CMC1: variants seen among roughly 807,000 people sequenced by gnomAD.
CMC1 encodes COX assembly mitochondrial protein homolog.
Under a neutral mutation model 14.1 loss-of-function variants are expected in CMC1, and 14 were observed. The observed-to-expected ratio is 0.99, with a 90% CI of 0.66 to 1.55. The LOEUF (loss-of-function observed/expected upper bound fraction) is 1.55. Ranked by LOEUF, CMC1 falls within the 40% of genes most tolerant of loss-of-function variation. CMC1 has a pLI of 0.00. For missense variants in CMC1, 127 were observed against 123.8 expected (o/e 1.03, Z -0.12); for synonymous variants, 50 against 38.4 (o/e 1.30, Z -1.12).
At chr3:28,293,331 G>A (rs1423957104) in intron 2 of CMC1, among the ~76,000 whole-genome samples, 5 of 150,642 alleles carry the variant, frequency 3.3e-5, no homozygotes, top group Admixed American at 2.0e-4. Flanking sequence ...TCGAGTGGCT[G>A]GGGAGGTGAC....
chr3:28,255,066 T>G (rs920846220), intron 1 of CMC1, among the ~76,000 whole-genome samples: 3 of 152,138 alleles, frequency 2.0e-5, no homozygotes, highest in Non-Finnish European at 2.9e-5. Flanking sequence ...ATTCCCTATC[T>G]CAATAAATGG....
rs1381903742 is a variant in CMC1, at chr3:28,319,518, T to C, written c.210T>C (p.Asp70=). Residue 70 remains aspartate, a synonymous_variant, in exon 4 of 4, where the codon GAT becomes GAC. Transcript: ENST00000466830. ...LKECLTAYYN[D]PAFYEECKME... Reference sequence around the variant, plus strand: ...CATTTCCTTCTCATAGCTATAATGATCCAGCCTTTTATGAAGAATGCAAAA... The same window carrying C: ...CATTTCCTTCTCATAGCTATAATGACCCAGCCTTTTATGAAGAATGCAAAA... The C allele has an allele frequency of 1.9e-6, 3 of 1,599,730 alleles. No individual in the cohort carries two copies. The highest frequency in any genetic ancestry group is 1.9e-4 in the Middle Eastern group (1 of 5,292).
intron 2 of CMC1, among the ~76,000 whole-genome samples, chr3:28,285,633 T>C (rs1177042935): frequency 2.0e-5 from 3 of 151,822 alleles, no homozygotes; most frequent in Non-Finnish European, 4.4e-5. Flanking sequence ...CTACACAATA[T>C]ATCCATTTAA....
At chr3:28,299,110 AT>A (rs1428027022) in intron 2 of CMC1, among the ~76,000 whole-genome samples, 2 of 152,058 alleles carry the variant, frequency 1.3e-5, no homozygotes, top group Non-Finnish European at 2.9e-5. Flanking sequence ...TGTAAGATAT[AT>A]TTAATTACTT....
chr3:28,254,044 A>C (rs1576981366), intron 1 of CMC1, among the ~76,000 whole-genome samples: 1 of 152,236 alleles, frequency 6.6e-6, no homozygotes, highest in East Asian at 1.9e-4. Context: ...TCAGCCAGTG[A>C]AAAAGGTGAA....
At chr3:28,305,164 T>G (rs1049298689) in intron 2 of CMC1, among the ~76,000 whole-genome samples, 4 of 152,198 alleles carry the variant, frequency 2.6e-5, no homozygotes, top group African/African-American at 9.6e-5. Flanking sequence ...TAGCTCCTAC[T>G]TGTAAGTGAC....
At chr3:28,289,557 CAG>C (rs142034154) in intron 2 of CMC1, among the ~76,000 whole-genome samples, 26,874 of 151,800 alleles carry the variant, frequency 0.18, 3,078 homozygotes, top group Non-Finnish European at 0.26. Flanking sequence ...TAATAGAAAA[CAG>C]GGATTTTTAT....
intron 2 of CMC1, among the ~76,000 whole-genome samples, chr3:28,300,893 G>A (rs967843235): frequency 6.7e-6 from 1 of 149,896 alleles, no homozygotes; most frequent in African/African-American, 2.5e-5. Context: ...TTCTTTCATA[G>A]CCATTATGTA....
intron 2 of CMC1, among the ~76,000 whole-genome samples, chr3:28,279,829 G>A (rs1024761049): frequency 3.9e-5 from 6 of 152,156 alleles, no homozygotes; most frequent in Non-Finnish European, 8.8e-5. Context: ...CATGTAAATG[G>A]AATGGCATAC....
At chr3:28,253,076 T>C (rs548693996) in intron 1 of CMC1, among the ~76,000 whole-genome samples, 14 of 152,336 alleles carry the variant, frequency 9.2e-5, no homozygotes, top group Non-Finnish European at 5.9e-5. Flanking sequence ...TCTGTCGTTA[T>C]AGCAAGAAGG....
At position 28,324,281 on chromosome 3, in the gene CMC1, C is replaced by CTT; in HGVS notation, c.*4654_*4655dup. On this transcript the variant is annotated 3_prime_UTR_variant, in exon 4 of 4. Transcript: ENST00000466830. ...TTGTCTGTCCATGATTGGAGGATTG[C>CTT]TTTCTCTGATAAAACCTTTACATCT... 2 of 1,608,678 alleles carry CTT rather than the reference C, an allele frequency of 1.2e-6. No homozygotes were observed. The highest frequency in any genetic ancestry group is 1.7e-6 in the Non-Finnish European group (2 of 1,176,394).
Position 28,322,010 on chromosome 3 carries a change from C to T in CMC1, c.*2381C>T, listed in dbSNP as rs1703202329. On this transcript the variant is annotated 3_prime_UTR_variant, in exon 4 of 4. Transcript: ENST00000466830. The stretch of plus-strand genomic sequence containing the variant: ...TAAAATATTCAATTTTAAATAGATT[C>T]ATAAGCTACAGATGGGCCACTGTTT... The T allele has an allele frequency of 2.0e-5, 3 of 151,288 alleles. No individual in the cohort carries two copies. The highest frequency in any genetic ancestry group is 7.3e-5 in the African/African-American group (3 of 41,326). 9.4% of individuals were successfully genotyped at this position (151,288 alleles called of 1,614,324 possible). A position where few individuals can be genotyped will look rare whatever the true frequency, so the allele number is the denominator to read the frequency against.
intron 2 of CMC1, among the ~76,000 whole-genome samples, chr3:28,287,395 CTT>C (rs1049767567): frequency 6.6e-6 from 1 of 152,134 alleles, no homozygotes; most frequent in African/African-American, 2.4e-5. Flanking sequence ...ATGTTGGAAT[CTT>C]TCTCTGGTGC....
chr3:28,251,287 A>G (rs147818428), intron 1 of CMC1, among the ~76,000 whole-genome samples: 3 of 152,294 alleles, frequency 2.0e-5, no homozygotes, highest in African/African-American at 7.2e-5. Flanking sequence ...TGACTTTTAC[A>G]ACAATCCAGT....
chr3:28,274,945 C>T (rs1381900851), intron 2 of CMC1, among the ~76,000 whole-genome samples: 3 of 151,992 alleles, frequency 2.0e-5, no homozygotes, highest in African/African-American at 7.3e-5. Context: ...TCCATCAGGT[C>T]CTTTATGTTC....
At chr3:28,285,763 C>T (rs13099152) in intron 2 of CMC1, among the ~76,000 whole-genome samples, 34,081 of 149,250 alleles carry the variant, frequency 0.23, 4,351 homozygotes, top group Non-Finnish European at 0.29. Context: ...CAGGTAAATT[C>T]TCAGCATTTT....
At chr3:28,271,418 A>G (rs1700281140) in intron 2 of CMC1, among the ~76,000 whole-genome samples, 1 of 152,172 alleles carries the variant, frequency 6.6e-6, no homozygotes, top group Non-Finnish European at 1.5e-5. Context: ...TTTTCTGCAT[A>G]TGGCTAGCCA....
At chr3:28,274,050 A>G (rs1040925901) in intron 2 of CMC1, among the ~76,000 whole-genome samples, 3 of 151,906 alleles carry the variant, frequency 2.0e-5, no homozygotes, top group Non-Finnish European at 4.4e-5. Flanking sequence ...CCAGCTTGCC[A>G]TTCTGTGTCT....
In CMC1 at chr3:28,309,439, C is replaced by A. The variant is rs534212044; in HGVS notation, c.110-6894C>A. Among the ~76,000 whole-genome samples the A allele has an allele frequency of 1.9e-4, 29 of 152,184 alleles. 1 individual carries two copies. The South Asian group carries it at 5.6e-3, about 29-fold the overall frequency. Reference sequence around the variant, plus strand: ...TTTTTAAGTCATCAACCTGGGCCATCATGCACCCAGCAAGAAAATTAGGGG... The same window carrying A: ...TTTTTAAGTCATCAACCTGGGCCATAATGCACCCAGCAAGAAAATTAGGGG... On this transcript the variant is annotated intron_variant, in intron 2 of 3. Transcript: ENST00000466830.
Sources: gnomAD v4.1 joint callset for allele counts (sites outside exome capture counted in the v4.1 genomes callset) on GRCh38, gnomAD v4.1.1 for gene constraint, MANE v1.5 for transcripts, NCBI Gene and HGNC (gene_info 2026-07-23, HGNC 2026-07-21) for gene names.